The following GALNT15 variants were observed in gnomAD, a reference collection of about 807,000 sequenced individuals.
The protein encoded by GALNT15 is polypeptide N-acetylgalactosaminyltransferase 15, also known as UDP-GalNAc transferase T15.
GALNT15 carries 67 observed loss-of-function variants against 66.8 expected under a neutral mutation model. The ratio of observed to expected loss-of-function variants is 1.00; its 90% CI spans 0.82 to 1.23. GALNT15 has a LOEUF of 1.23. Ranked by LOEUF, GALNT15 falls within the 50% of genes most tolerant of loss-of-function variation. The pLI is 0.00. For missense variants in GALNT15, 827 were observed against 804.3 expected, an observed-to-expected ratio of 1.03 and a Z score of -0.34; for synonymous variants, 313 against 311.5, an observed-to-expected ratio of 1.00 and a Z score of -0.05.
the GALNT15 span, among the ~76,000 whole-genome samples, chr3:16,242,038 A>G: frequency 6.6e-6 from 1 of 151,752 alleles, no homozygotes; most frequent in Non-Finnish European, 1.5e-5. The surrounding 1 kb of genome is among the most constrained non-coding windows in gnomAD (Gnocchi z 5.6). Context: ...TAATCTCAAG[A>G]CTTGTCTCCG....
chr3:16,216,797 G>A (rs1229354845), intron 6 of GALNT15, among the ~76,000 whole-genome samples: 1 of 152,210 alleles, frequency 6.6e-6, no homozygotes, highest in Non-Finnish European at 1.5e-5. Flanking sequence ...CCCGGAGGAA[G>A]GTCATGTACC....
intron 2 of GALNT15, 111 bp downstream of exon 2, chr3:16,196,037 T>G: frequency 9.3e-7 from 1 of 1,072,766 alleles, no homozygotes; most frequent in Admixed American, 2.2e-5. Flanking sequence ...ATTCCCCAAC[T>G]ACAGACCTCC....
chr3:16,206,412 GC>G (rs2063757487), intron 3 of GALNT15, among the ~76,000 whole-genome samples: 1 of 150,468 alleles, frequency 6.6e-6, no homozygotes, highest in Admixed American at 6.6e-5. Context: ...GATGGTTCAC[GC>G]CTGTAATCCC....
Position 16,224,489 on chromosome 3 carries a change from G to T in GALNT15, c.1773+1731G>T, listed in dbSNP as rs1574999938. Among the ~76,000 whole-genome samples the T allele has an allele frequency of 6.6e-6, 1 of 152,190 alleles. No individual in the cohort carries two copies. The highest frequency in any genetic ancestry group is 1.9e-4 in the East Asian group (1 of 5,180). ...TAATAGAAACAGAAAGTAAAATAGT[G>T]GTTACCAGAGGCAGGCAGAGGAGGA... On this transcript the variant is annotated intron_variant, in intron 9 of 9. Transcript: ENST00000339732. The surrounding 1 kb of genome is among the most constrained non-coding windows in gnomAD (Gnocchi z 5.2).
In GALNT15 at chr3:16,208,361, T is replaced by A. The variant is rs2063779416; in HGVS notation, c.912-142T>A. On this transcript the variant is annotated intron_variant, in intron 3 of 9. Transcript: ENST00000339732. ...CTTAATCCAGGGTGTATTTTACACT[T>A]ACTCCACACCTGATTTGGATAAACC... The A allele has an allele frequency of 1.7e-5, 11 of 636,178 alleles. No individual in the cohort carries two copies. In the South Asian group the frequency reaches 3.0e-4, roughly 18 times the overall value. The allele number at this position is 636,178 out of a possible 1,614,324, so 39.4% of individuals were successfully genotyped here.
rs761347613 is a variant in GALNT15, at chr3:16,204,964, C to T, written c.912-3539C>T. 4.6e-5 allele frequency among the ~76,000 whole-genome samples: 7 copies of T among 152,130 alleles called. No homozygotes were observed. The highest frequency in any genetic ancestry group is 9.7e-5 in the African/African-American group (4 of 41,426). Reference sequence around the variant, plus strand: ...GAGCATGTGCGTGCGTGTGTGTGTGCGCGCGCATGTGCGCGTCAAGGAGCA... The same window carrying T: ...GAGCATGTGCGTGCGTGTGTGTGTGTGCGCGCATGTGCGCGTCAAGGAGCA... On this transcript the variant is annotated intron_variant, in intron 3 of 9. Coordinates refer to ENST00000339732, the MANE Select transcript of GALNT15 (RefSeq NM_054110.5). This position sits in a 1 kb window ranked among gnomAD's most constrained non-coding sequence, Gnocchi z 4.5.
At position 16,223,112 on chromosome 3, in the gene GALNT15, G is replaced by A. The variant is rs115579633; in HGVS notation, c.1773+354G>A. 6.0e-3 allele frequency among the ~76,000 whole-genome samples: 919 copies of A among 152,148 alleles called. 6 individuals carry two copies. The highest frequency in any genetic ancestry group is 0.021 in the African/African-American group (872 of 41,464). ...AGCCACCTTGGTGGTGTGGTTTTAG[G>A]AGCAATTCAAAGTCCCTCCCCCCAC... is the stretch of plus-strand genomic sequence containing the variant. On this transcript the variant is annotated intron_variant, in intron 9 of 9. Coordinates refer to ENST00000339732, the MANE Select transcript of GALNT15 (RefSeq NM_054110.5).
intron 6 of GALNT15, among the ~76,000 whole-genome samples, chr3:16,215,063 T>C (rs2063857354): frequency 6.6e-6 from 1 of 152,202 alleles, no homozygotes; most frequent in African/African-American, 2.4e-5. Context: ...AAATGTTGCA[T>C]AGTTTTTGAT....
chr3:16,197,782 C>G (rs2063655168), intron 2 of GALNT15, among the ~76,000 whole-genome samples: 1 of 152,182 alleles, frequency 6.6e-6, no homozygotes, highest in African/African-American at 2.4e-5. Context: ...AGTATTACTG[C>G]TGTTTTCTGG....
Position 16,211,487 on chromosome 3 carries a change from A to G in GALNT15, c.1197+246A>G, listed in dbSNP as rs1364423191. Among the ~76,000 whole-genome samples, 1 of 152,180 alleles carries G rather than the reference A, an allele frequency of 6.6e-6. No homozygotes were observed. Among genetic ancestry groups the G allele is most frequent in the Non-Finnish European group, 1.5e-5 (1 of 68,034 alleles). Reference sequence around the variant, plus strand: ...TCCAGGAATAGGCATACTCTCAGTTATTTTAACTGCTGTGCGGAGATTCCA... The same window carrying G: ...TCCAGGAATAGGCATACTCTCAGTTGTTTTAACTGCTGTGCGGAGATTCCA... On this transcript the variant is annotated intron_variant, in intron 5 of 9. Transcript: ENST00000339732. This position sits in a 1 kb window ranked among gnomAD's most constrained non-coding sequence, Gnocchi z 4.3.
At chr3:16,178,245 A>C (rs2063431639) in intron 1 of GALNT15, among the ~76,000 whole-genome samples, 1 of 152,040 alleles carries the variant, frequency 6.6e-6, no homozygotes, top group African/African-American at 2.4e-5. Flanking sequence ...TGCGTGGTGC[A>C]AGTGTGGGTA....
chr3:16,224,141 T>C lies in GALNT15; in HGVS notation c.1773+1383T>C, dbSNP rs1180017944. On this transcript the variant is annotated intron_variant, in intron 9 of 9. Transcript: ENST00000339732. This position sits in a 1 kb window ranked among gnomAD's most constrained non-coding sequence, Gnocchi z 5.2. ...TAATAATGAGTAAAAGATTAGGGAGTAAGATACACCCAGCATATTTCAGGC... is the reference window on the plus strand; with the variant it reads ...TAATAATGAGTAAAAGATTAGGGAGCAAGATACACCCAGCATATTTCAGGC... Among the ~76,000 whole-genome samples the C allele has an allele frequency of 6.6e-6, 1 of 152,056 alleles. No homozygotes were observed. The highest frequency in any genetic ancestry group is 1.5e-5 in the Non-Finnish European group (1 of 68,012).
Position 16,184,753 on chromosome 3 carries a change from G to A in GALNT15, c.539+9063G>A, listed in dbSNP as rs2063501654. ...AAGCGGAGCAGAGATGCCTGAGAGA[G>A]GCATGTGTTCAAGGCAGCTACCTCT... is the stretch of plus-strand genomic sequence containing the variant. On this transcript the variant is annotated intron_variant, in intron 1 of 9. Transcript: ENST00000339732. The surrounding 1 kb of genome is among the most constrained non-coding windows in gnomAD (Gnocchi z 5.0). Among the ~76,000 whole-genome samples the A allele has an allele frequency of 6.6e-6, 1 of 152,200 alleles. No individual in the cohort carries two copies. Among genetic ancestry groups the A allele is most frequent in the Admixed American group, 6.5e-5 (1 of 15,292 alleles).
At chr3:16,239,837 C>T in the GALNT15 span, among the ~76,000 whole-genome samples, 3 of 152,152 alleles carry the variant, frequency 2.0e-5, no homozygotes, top group African/African-American at 7.2e-5. The surrounding 1 kb of genome is among the most constrained non-coding windows in gnomAD (Gnocchi z 5.2). Context: ...GATTTTCTTC[C>T]TTTGTTGTAA....
intron 4 of GALNT15, 50 bp downstream of exon 4, chr3:16,208,720 T>C (rs1173086328): frequency 6.5e-7 from 1 of 1,547,532 alleles, no homozygotes; most frequent in African/African-American, 1.4e-5. Context: ...CAGGATGGAC[T>C]CTGCAGCCTG....
intron 2 of GALNT15, among the ~76,000 whole-genome samples, chr3:16,196,272 G>A (rs1434389137): frequency 2.0e-5 from 3 of 152,066 alleles, no homozygotes; most frequent in Non-Finnish European, 2.9e-5. Flanking sequence ...ATCACATAGG[G>A]CGGCCCTGTT....
the GALNT15 span, among the ~76,000 whole-genome samples, chr3:16,248,009 T>C: frequency 6.6e-6 from 1 of 152,138 alleles, no homozygotes; most frequent in Non-Finnish European, 1.5e-5. This position sits in a 1 kb window ranked among gnomAD's most constrained non-coding sequence, Gnocchi z 4.9. Context: ...CCTACCAGCC[T>C]CCTAGCCGCA....
Position 16,227,622 on chromosome 3 carries a change from G to A in GALNT15, c.*122G>A, listed in dbSNP as rs78067187. The A allele has an allele frequency of 2.0e-6, 3 of 1,537,276 alleles. No individual in the cohort carries two copies. The highest frequency in any genetic ancestry group is 1.2e-5 in the South Asian group (1 of 80,594). The stretch of plus-strand genomic sequence containing the variant: ...TGTGTGTGCTCCTGGTGTTAGGAGA[G>A]AAAAAAGCTCTATGAAAGAATATAG... On this transcript the variant is annotated 3_prime_UTR_variant, in exon 10 of 10. Coordinates refer to ENST00000339732, the MANE Select transcript of GALNT15 (RefSeq NM_054110.5). The surrounding 1 kb of genome is among the most constrained non-coding windows in gnomAD (Gnocchi z 4.5).
intron 3 of GALNT15, among the ~76,000 whole-genome samples, chr3:16,206,541 C>T (rs1470575544): frequency 6.6e-5 from 10 of 150,840 alleles, no homozygotes; most frequent in Non-Finnish European, 1.2e-4. Context: ...GGCGTTGTGG[C>T]GGGCACCTGT....
Sources: allele counts gnomAD v4.1 joint callset (sites outside exome capture counted in the v4.1 genomes callset), GRCh38; gene constraint gnomAD v4.1.1; non-coding constraint Gnocchi (gnomAD v3.1); transcripts MANE v1.5; gene names NCBI Gene and HGNC (gene_info 2026-07-23, HGNC 2026-07-21).